The following NEK7 variants were observed in gnomAD, a reference collection of about 807,000 sequenced individuals.
NEK7 encodes serine/threonine-protein kinase Nek7.
In NEK7, 18 loss-of-function variants were observed where a neutral mutation model predicts 44.6. The observed-to-expected ratio is 0.40, with a 90% CI of 0.28 to 0.60. NEK7 has a LOEUF of 0.60. Among genes scored for constraint, NEK7 ranks in the 20% least tolerant of loss-of-function variants. The pLI is 0.38. For missense variants in NEK7, 256 were observed against 366.5 expected, an observed-to-expected ratio of 0.70 and a Z score of 2.46; for synonymous variants, 130 against 121.1, an observed-to-expected ratio of 1.07 and a Z score of -0.48.
intron 2 of NEK7, among the ~76,000 whole-genome samples, chr1:198,251,461 C>T (rs888847972): frequency 1.4e-5 from 2 of 142,092 alleles, no homozygotes; most frequent in African/African-American, 2.7e-5. Flanking sequence ...GTACCAGTTC[C>T]TCCTTATACC....
intron 1 of NEK7, among the ~76,000 whole-genome samples, chr1:198,209,952 G>A (rs1558057375): frequency 6.6e-6 from 1 of 150,588 alleles, no homozygotes; most frequent in Non-Finnish European, 1.5e-5. Flanking sequence ...TAATAGCTGG[G>A]ACTTCCTGGC....
At chr1:198,284,236 C>A (rs1654300696) in intron 7 of NEK7, among the ~76,000 whole-genome samples, 1 of 152,150 alleles carries the variant, frequency 6.6e-6, no homozygotes, top group Non-Finnish European at 1.5e-5. Flanking sequence ...GCTTCCTAGT[C>A]TGGGTTTACT....
At chr1:198,216,098 A>G (rs1665911091) in intron 1 of NEK7, among the ~76,000 whole-genome samples, 1 of 152,138 alleles carries the variant, frequency 6.6e-6, no homozygotes, top group South Asian at 2.1e-4. Context: ...TTCACGGAAC[A>G]TTCTACCCAA....
intron 7 of NEK7, among the ~76,000 whole-genome samples, chr1:198,281,103 C>G (rs1325428809): frequency 1.3e-5 from 2 of 151,878 alleles, no homozygotes; most frequent in Non-Finnish European, 2.9e-5. Flanking sequence ...TACTAAGGCT[C>G]TTTGGACTCC....
Position 198,319,502 on chromosome 1 carries a change from G to A in NEK7, c.889G>A (p.Ala297Thr). 4 of 1,611,472 alleles carry A rather than the reference G, an allele frequency of 2.5e-6. No homozygotes were observed. The highest frequency in any genetic ancestry group is 3.4e-6 in the Non-Finnish European group (4 of 1,178,502). ...YVYDVAKRMH[A>T]CTASS ...TTATGACGTAGCAAAGAGGATGCAT[G>A]CATGCACTGCAAGCAGCTAAACATG... Residue 297 changes from alanine (A) to threonine (T), a missense_variant, in exon 10 of 10, where the codon GCA becomes ACA. By Grantham distance (58) the Ala-to-Thr change is moderately conservative. Transcript: ENST00000367385.
chr1:198,297,064 T>G, intron 8 of NEK7, 63 bp from the exon 9 acceptor site: 3 of 1,053,854 alleles, frequency 2.8e-6, no homozygotes, highest in Middle Eastern at 2.0e-4. Context: ...TATAATATAC[T>G]TGATGAAATC....
chr1:198,285,014 C>G (rs1036899379), intron 7 of NEK7, among the ~76,000 whole-genome samples: 3 of 152,104 alleles, frequency 2.0e-5, no homozygotes, highest in African/African-American at 2.4e-5. Flanking sequence ...TGAGATCACT[C>G]TATTTAAAAC....
At chr1:198,295,162 T>C (rs1333581627) in intron 8 of NEK7, among the ~76,000 whole-genome samples, 1 of 151,938 alleles carries the variant, frequency 6.6e-6, no homozygotes, top group East Asian at 1.9e-4. Flanking sequence ...AAAATCAAGA[T>C]GCTGTGCTTT....
intron 1 of NEK7, among the ~76,000 whole-genome samples, chr1:198,188,188 GT>G (rs1418291304): frequency 6.6e-6 from 1 of 152,056 alleles, no homozygotes; most frequent in African/African-American, 2.4e-5. Context: ...TTTTTTTGTT[GT>G]TGTTTTGTTT....
intron 1 of NEK7, among the ~76,000 whole-genome samples, chr1:198,165,494 A>G (rs1437401829): frequency 3.3e-5 from 5 of 152,126 alleles, no homozygotes; most frequent in African/African-American, 9.7e-5. Context: ...TTTCCATCAG[A>G]GCTGTTGGTG....
chr1:198,186,620 G>A lies in NEK7; in HGVS notation c.-29+29344G>A, dbSNP rs547059092. On this transcript the variant is annotated intron_variant, in intron 1 of 9. Coordinates refer to ENST00000367385, the MANE Select transcript of NEK7 (RefSeq NM_133494.3). Reference sequence around the variant, plus strand: ...GGCCCCATGACAGACAGTCTTTCCTGACAGTCCAACCTTTGCCCATACACA... The same window carrying A: ...GGCCCCATGACAGACAGTCTTTCCTAACAGTCCAACCTTTGCCCATACACA... Among the ~76,000 whole-genome samples, 7 of 152,274 alleles carry A rather than the reference G, an allele frequency of 4.6e-5. No individual in the cohort carries two copies. In the East Asian group the frequency reaches 1.3e-3, roughly 29 times the overall value.
chr1:198,190,116 T>A lies in NEK7; in HGVS notation c.-29+32840T>A, dbSNP rs1314903160. Reference sequence around the variant, plus strand: ...TTTAATGAAAATATTACTGCCACATTAAGTTTTCTGTTCTTGAAGATGTAT... The same window carrying A: ...TTTAATGAAAATATTACTGCCACATAAAGTTTTCTGTTCTTGAAGATGTAT... On this transcript the variant is annotated intron_variant, in intron 1 of 9. Coordinates refer to ENST00000367385, the MANE Select transcript of NEK7 (RefSeq NM_133494.3). 3.3e-5 allele frequency among the ~76,000 whole-genome samples: 5 copies of A among 152,262 alleles called. No individual in the cohort carries two copies. The East Asian group carries it at 9.6e-4, about 29-fold the overall frequency.
At chr1:198,205,862 T>A (rs545203580) in intron 1 of NEK7, among the ~76,000 whole-genome samples, 37 of 152,120 alleles carry the variant, frequency 2.4e-4, no homozygotes, top group South Asian at 1.7e-3. Flanking sequence ...TTTAAAAAAA[T>A]TTTTTTAATG....
intron 1 of NEK7, among the ~76,000 whole-genome samples, chr1:198,187,865 A>G (rs1285139453): frequency 2.6e-5 from 4 of 152,236 alleles, no homozygotes. Context: ...GTACAAGGTT[A>G]TGTAATGGAG....
At chr1:198,260,226 A>G (rs1210916462) in intron 3 of NEK7, among the ~76,000 whole-genome samples, 3 of 152,086 alleles carry the variant, frequency 2.0e-5, no homozygotes, top group South Asian at 4.1e-4. Context: ...CCTTCCTTCC[A>G]TAAATAGTGT....
chr1:198,311,924 C>G lies in NEK7; in HGVS notation c.799-7488C>G, dbSNP rs535376271. Among the ~76,000 whole-genome samples the G allele has an allele frequency of 8.8e-3, 1,337 of 152,252 alleles. 23 individuals carry two copies. The highest frequency in any genetic ancestry group is 0.031 in the African/African-American group (1,297 of 41,540). ...CTTTTTTGGTTGTGTCTCTGCCCGG[C>G]TTTGGTATCAGGATGATGCTGGCCT... is the stretch of plus-strand genomic sequence containing the variant. On this transcript the variant is annotated intron_variant, in intron 9 of 9. Coordinates refer to ENST00000367385, the MANE Select transcript of NEK7 (RefSeq NM_133494.3).
At chr1:198,228,490 C>T (rs1571551005) in intron 1 of NEK7, among the ~76,000 whole-genome samples, 2 of 151,762 alleles carry the variant, frequency 1.3e-5, no homozygotes, top group South Asian at 2.1e-4. Flanking sequence ...TTGATTCTTC[C>T]TACCCATGAG....
chr1:198,285,059 C>T (rs1654326532), intron 7 of NEK7, among the ~76,000 whole-genome samples: 1 of 152,070 alleles, frequency 6.6e-6, no homozygotes, highest in South Asian at 2.1e-4. Flanking sequence ...TCCCACTCCA[C>T]CCCTAGAACT....
intron 1 of NEK7, among the ~76,000 whole-genome samples, chr1:198,225,611 A>G (rs929879045): frequency 3.3e-5 from 5 of 152,142 alleles, no homozygotes; most frequent in African/African-American, 1.2e-4. Flanking sequence ...ATTTTTTTCC[A>G]TGAACTGACA....
Sources: gnomAD v4.1 joint callset for allele counts (sites outside exome capture counted in the v4.1 genomes callset) on GRCh38, gnomAD v4.1.1 for gene constraint, MANE v1.5 for transcripts, NCBI Gene and HGNC (gene_info 2026-07-23, HGNC 2026-07-21) for gene names.